The following PRKCE variants were observed in gnomAD, a reference collection of about 807,000 sequenced individuals.
PRKCE encodes protein kinase C epsilon type.
A neutral mutation model predicts 85.4 loss-of-function variants in PRKCE; 16 were observed. That is an observed-to-expected ratio of 0.19 (90% confidence interval 0.13 to 0.28). The LOEUF is 0.28. Ranked by LOEUF, PRKCE falls within the 10% of genes least tolerant of loss-of-function variation. PRKCE has a pLI of 1.00. For missense variants in PRKCE, 573 were observed against 975.2 expected, an observed-to-expected ratio of 0.59 and a Z score of 5.49; for synonymous variants, 388 against 371.5, an observed-to-expected ratio of 1.04 and a Z score of -0.51.
chr2:46,119,279 G>GA (rs869062567), intron 11 of PRKCE, among the ~76,000 whole-genome samples: 4 of 147,506 alleles, frequency 2.7e-5, no homozygotes, highest in Non-Finnish European at 4.5e-5. Context: ...TTGTGAAAGA[G>GA]AAAAAAAAAG....
intron 2 of PRKCE, among the ~76,000 whole-genome samples, chr2:45,877,482 A>T (rs903400673): frequency 6.6e-6 from 1 of 151,988 alleles, no homozygotes; most frequent in Non-Finnish European, 1.5e-5. Context: ...GTTTATTCTG[A>T]ATAACTTCTG....
chr2:45,869,299 C>T (rs1558773539), intron 2 of PRKCE, among the ~76,000 whole-genome samples: 1 of 152,146 alleles, frequency 6.6e-6, no homozygotes, highest in African/African-American at 2.4e-5. Flanking sequence ...TCCTTATGAC[C>T]AAGATACTGT....
At chr2:45,680,072 C>T (rs1233536665) in intron 1 of PRKCE, among the ~76,000 whole-genome samples, 1 of 152,194 alleles carries the variant, frequency 6.6e-6, no homozygotes, top group Non-Finnish European at 1.5e-5. Context: ...CAGAGATGAA[C>T]AGGTTTATTG....
At chr2:46,009,948 G>C (rs1450918104) in intron 9 of PRKCE, among the ~76,000 whole-genome samples, 4 of 152,234 alleles carry the variant, frequency 2.6e-5, no homozygotes, top group Non-Finnish European at 5.9e-5. Context: ...ATAAACATAT[G>C]AATAACCATT....
intron 9 of PRKCE, among the ~76,000 whole-genome samples, chr2:46,008,696 A>G (rs1171961752): frequency 1.3e-5 from 2 of 152,234 alleles, no homozygotes; most frequent in Admixed American, 6.5e-5. Flanking sequence ...GGGTTTACTT[A>G]AATGGCAAAA....
intron 1 of PRKCE, among the ~76,000 whole-genome samples, chr2:45,744,807 C>T (rs1435373921): frequency 6.6e-6 from 1 of 152,088 alleles, no homozygotes; most frequent in African/African-American, 2.4e-5. Flanking sequence ...CAGGGTTTCA[C>T]CATGTTGCCC....
intron 1 of PRKCE, among the ~76,000 whole-genome samples, chr2:45,708,140 C>T (rs999067745): frequency 6.6e-6 from 1 of 152,164 alleles, no homozygotes; most frequent in Non-Finnish European, 1.5e-5. Flanking sequence ...ATAGGTTGGA[C>T]TCGAGAGCCT....
At chr2:45,824,488 C>A (rs1258537853) in intron 1 of PRKCE, among the ~76,000 whole-genome samples, 1 of 152,106 alleles carries the variant, frequency 6.6e-6, no homozygotes, top group Middle Eastern at 3.2e-3. Flanking sequence ...GGAGGACTCC[C>A]TTCCCCAATT....
intron 2 of PRKCE, among the ~76,000 whole-genome samples, chr2:45,864,724 A>G (rs975189477): frequency 1.2e-4 from 18 of 152,216 alleles, no homozygotes; most frequent in Non-Finnish European, 1.9e-4. Context: ...GAGATATTTC[A>G]TGTATAATTG....
intron 2 of PRKCE, among the ~76,000 whole-genome samples, chr2:45,900,087 TA>T (rs952562549): frequency 9.2e-5 from 14 of 152,250 alleles, no homozygotes; most frequent in South Asian, 6.2e-4. Flanking sequence ...TTGCTTCGGA[TA>T]AAATGCAGTT....
At chr2:46,023,661 C>A (rs543104164) in intron 10 of PRKCE, among the ~76,000 whole-genome samples, 1 of 152,160 alleles carries the variant, frequency 6.6e-6, no homozygotes, top group South Asian at 2.1e-4. Flanking sequence ...TGTCTCCTTC[C>A]TGTCACTGAG....
At chr2:45,750,854 G>C (rs1683501761) in intron 1 of PRKCE, among the ~76,000 whole-genome samples, 1 of 152,130 alleles carries the variant, frequency 6.6e-6, no homozygotes, top group Non-Finnish European at 1.5e-5. Context: ...CCATTCACTG[G>C]AGCAATCATG....
intron 2 of PRKCE, among the ~76,000 whole-genome samples, chr2:45,967,622 G>T (rs946030383): frequency 2.0e-5 from 3 of 152,186 alleles, no homozygotes; most frequent in East Asian, 3.8e-4. Flanking sequence ...TTGTAATGTA[G>T]TAGTTTAGAA....
At chr2:45,780,215 A>G (rs914981050) in intron 1 of PRKCE, among the ~76,000 whole-genome samples, 2 of 152,228 alleles carry the variant, frequency 1.3e-5, no homozygotes, top group African/African-American at 4.8e-5. Flanking sequence ...TGATGATTCA[A>G]ATAAGGTCTA....
At chr2:45,659,028 A>G (rs1675513167) in intron 1 of PRKCE, among the ~76,000 whole-genome samples, 1 of 152,192 alleles carries the variant, frequency 6.6e-6, no homozygotes, top group Non-Finnish European at 1.5e-5. Context: ...AATGTCATCT[A>G]GTTTCATGGA....
intron 11 of PRKCE, among the ~76,000 whole-genome samples, chr2:46,140,401 A>C (rs1188099677): frequency 6.6e-6 from 1 of 152,204 alleles, no homozygotes; most frequent in African/African-American, 2.4e-5. Context: ...AGTATTTGAT[A>C]AAGGTGGTAT....
chr2:45,798,782 C>A (rs1305404973), intron 1 of PRKCE, among the ~76,000 whole-genome samples: 15 of 148,514 alleles, frequency 1.0e-4, no homozygotes, highest in African/African-American at 3.7e-4. Context: ...TTTTTTTTAC[C>A]TGTTTTCAGT....
chr2:45,803,854 G>T (rs1185541044), intron 1 of PRKCE, among the ~76,000 whole-genome samples: 1 of 152,204 alleles, frequency 6.6e-6, no homozygotes, highest in Non-Finnish European at 1.5e-5. Flanking sequence ...TTTGCAGGGT[G>T]AGTGGGGGCT....
chr2:46,130,819 C>G (rs1224819866), intron 11 of PRKCE, among the ~76,000 whole-genome samples: 1 of 152,166 alleles, frequency 6.6e-6, no homozygotes, highest in Non-Finnish European at 1.5e-5. Flanking sequence ...GTTTTGGACC[C>G]TTAGAGTAGC....
Sources: allele counts gnomAD v4.1 joint callset (sites outside exome capture counted in the v4.1 genomes callset), GRCh38; gene constraint gnomAD v4.1.1; transcripts MANE v1.5; gene names NCBI Gene and HGNC (gene_info 2026-07-23, HGNC 2026-07-21).